Variants in ELAPOR2 observed in about 807,000 individuals in gnomAD.
ELAPOR2 encodes endosome/lysosome-associated apoptosis and autophagy regulator family member 2.
A neutral mutation model predicts 120.7 loss-of-function variants in ELAPOR2; 89 were observed. That is an observed-to-expected ratio of 0.74 (90% CI 0.62 to 0.88). The LOEUF (loss-of-function observed/expected upper bound fraction) is 0.88. Ranked by LOEUF, ELAPOR2 falls within the 40% of genes least tolerant of loss-of-function variation. The probability of loss-of-function intolerance (pLI) is 0.00; values close to 1 mark genes in which losing one functional copy is unlikely to be tolerated. For synonymous variants in ELAPOR2, 444 were observed against 444.9 expected (o/e 1.00, Z 0.03); for missense variants, 1,134 against 1,251.6 (o/e 0.91, Z 1.42).
Position 86,880,150 on chromosome 7 carries a change from T to G in ELAPOR2, c.*321A>C. 3.6e-6 allele frequency: 1 copy of G among 277,216 alleles called. No individual in the cohort carries two copies. Among genetic ancestry groups the G allele is most frequent in the Non-Finnish European group, 6.7e-6 (1 of 149,596 alleles). 17.2% of individuals were successfully genotyped at this position (277,216 alleles called of 1,614,324 possible). ...CATCATAAAGAATAAAAGTTACCCATTAATTATATGGCATGCATCAGCAGT... is the reference window on the plus strand; with the variant it reads ...CATCATAAAGAATAAAAGTTACCCAGTAATTATATGGCATGCATCAGCAGT... On this transcript the variant is annotated 3_prime_UTR_variant, in exon 22 of 22. Transcript: ENST00000450689.
At chr7:86,910,828 T>C (rs1380288305) in intron 15 of ELAPOR2, among the ~76,000 whole-genome samples, 1 of 152,072 alleles carries the variant, frequency 6.6e-6, no homozygotes, top group African/African-American at 2.4e-5. Flanking sequence ...AAGAAAAGTA[T>C]AAAAGTTTAT....
chr7:86,961,478 C>T (rs923249047), intron 2 of ELAPOR2, among the ~76,000 whole-genome samples: 20 of 152,180 alleles, frequency 1.3e-4, no homozygotes, highest in Admixed American at 2.6e-4. Context: ...TGTAAAGGAA[C>T]TCTCTCCCTA....
chr7:86,914,273 G>A (rs966159785), intron 13 of ELAPOR2, among the ~76,000 whole-genome samples: 1 of 152,052 alleles, frequency 6.6e-6, no homozygotes, highest in Admixed American at 6.6e-5. Flanking sequence ...ACTCAATGGT[G>A]GGTACATACA....
At position 86,891,856 on chromosome 7, in the gene ELAPOR2, C is replaced by A. The variant is rs370763886; in HGVS notation, c.2898G>T (p.Thr966=). ...GGAGTTCACACTCTTTTGAGTTAGT[C>A]GTCATTACTAACTTGGAATATTTGT... ...LEYKYSKLVM[T]TNSKECELPA... is the part of the protein sequence containing the mutation. The change falls in exon 21 of 22, where the codon ACG becomes ACT. Residue 966 remains threonine, a synonymous_variant. Transcript: ENST00000450689. 6 of 1,608,002 alleles carry A rather than the reference C, an allele frequency of 3.7e-6. No individual in the cohort carries two copies. The African/African-American group carries it at 5.4e-5, about 14-fold the overall frequency.
chr7:87,040,920 G>C (rs1022329698), intron 1 of ELAPOR2, among the ~76,000 whole-genome samples: 2 of 151,960 alleles, frequency 1.3e-5, no homozygotes, highest in African/African-American at 4.8e-5. Flanking sequence ...GTGCTTAAAG[G>C]AGCTGATGGA....
At chr7:86,895,531 AT>A (rs1788397824) in intron 19 of ELAPOR2, among the ~76,000 whole-genome samples, 1 of 152,124 alleles carries the variant, frequency 6.6e-6, no homozygotes, top group Non-Finnish European at 1.5e-5. Flanking sequence ...AAATTTCAAC[AT>A]GTCAAGCACA....
chr7:86,960,730 T>C (rs553091832), intron 2 of ELAPOR2, among the ~76,000 whole-genome samples: 21 of 152,340 alleles, frequency 1.4e-4, no homozygotes, highest in African/African-American at 3.8e-4. Context: ...TATTCTCTCT[T>C]CATGTTGAGT....
intron 20 of ELAPOR2, 118 bp from the exon 21 acceptor site, chr7:86,892,007 A>G (rs1286781234): frequency 1.1e-5 from 7 of 646,322 alleles, no homozygotes; most frequent in Non-Finnish European, 1.5e-5. Context: ...TAATTGCTCC[A>G]CCAACAAATT....
At chr7:86,905,070 A>AGAAGGAAGAAAG (rs1788912505) in intron 18 of ELAPOR2, among the ~76,000 whole-genome samples, 1 of 98,148 alleles carries the variant, frequency 1.0e-5, no homozygotes, top group African/African-American at 3.9e-5. Context: ...ACAGAGAGAG[A>AGAAGGAAGAAAG]GAAGGAAGGA....
chr7:86,908,616 T>C (rs1789148634), intron 16 of ELAPOR2, 73 bp from the exon 17 acceptor site: 6 of 654,376 alleles, frequency 9.2e-6, no homozygotes, highest in Admixed American at 2.9e-5. Context: ...TAGTTTTGAA[T>C]AGAAAATAGC....
chr7:86,893,295 A>G lies in ELAPOR2; in HGVS notation c.2686-195T>C, dbSNP rs148166258. On this transcript the variant is annotated intron_variant, in intron 19 of 21. Coordinates refer to ENST00000450689, the MANE Select transcript of ELAPOR2 (RefSeq NM_001142749.3). ...AGCTCCAGAAACACAGGAAAAAAAT[A>G]TATGTGAATGAATAAGGAATTAATG... 5.7e-3 allele frequency among the ~76,000 whole-genome samples: 865 copies of G among 152,148 alleles called. 10 individuals are homozygous for G. The highest frequency in any genetic ancestry group is 0.02 in the African/African-American group (839 of 41,544).
chr7:86,934,451 A>G (rs780286232), intron 8 of ELAPOR2, among the ~76,000 whole-genome samples: 3 of 151,996 alleles, frequency 2.0e-5, no homozygotes, highest in Non-Finnish European at 4.4e-5. Flanking sequence ...ATTTAATTCA[A>G]TGTTGCCAAA....
intron 21 of ELAPOR2, among the ~76,000 whole-genome samples, chr7:86,885,726 G>C (rs1024089774): frequency 6.6e-6 from 1 of 152,162 alleles, no homozygotes; most frequent in African/African-American, 2.4e-5. Context: ...ATACAAATAA[G>C]AGGATTTGAG....
intron 1 of ELAPOR2, among the ~76,000 whole-genome samples, chr7:87,014,882 T>C (rs1793819102): frequency 6.6e-6 from 1 of 152,146 alleles, no homozygotes; most frequent in African/African-American, 2.4e-5. Flanking sequence ...TTATTATGAT[T>C]GTTATGATGG....
chr7:86,926,395 C>T (rs537154907), intron 9 of ELAPOR2, among the ~76,000 whole-genome samples: 20 of 152,080 alleles, frequency 1.3e-4, no homozygotes, highest in African/African-American at 4.3e-4. Context: ...ATATTATCCA[C>T]CATCCTACAG....
intron 18 of ELAPOR2, among the ~76,000 whole-genome samples, chr7:86,904,203 T>G (rs1463848716): frequency 1.3e-5 from 2 of 152,176 alleles, no homozygotes; most frequent in East Asian, 3.9e-4. Flanking sequence ...ATGCTTCTCT[T>G]TATCTGCTTT....
chr7:86,986,818 A>T (rs1234489904), intron 1 of ELAPOR2, among the ~76,000 whole-genome samples: 1 of 151,168 alleles, frequency 6.6e-6, no homozygotes, highest in African/African-American at 2.4e-5. Context: ...GCTACCAATG[A>T]CTTTCTTCAC....
Position 87,054,155 on chromosome 7 carries a change from T to C in ELAPOR2, c.189+5170A>G, listed in dbSNP as rs183009840. Among the ~76,000 whole-genome samples the C allele has an allele frequency of 1.6e-3, 248 of 152,276 alleles. 2 individuals carry two copies. Among genetic ancestry groups the C allele is most frequent in the African/African-American group, 5.8e-3 (241 of 41,554 alleles). On this transcript the variant is annotated intron_variant, in intron 1 of 21. Coordinates refer to ENST00000450689, the MANE Select transcript of ELAPOR2 (RefSeq NM_001142749.3). Reference sequence around the variant, plus strand: ...GATGAAAGGCAAAAAGGAAAGAGAATAATCTGTGGTTTCTTCAAGAGAAAA... The same window carrying C: ...GATGAAAGGCAAAAAGGAAAGAGAACAATCTGTGGTTTCTTCAAGAGAAAA...
intron 8 of ELAPOR2, among the ~76,000 whole-genome samples, chr7:86,932,643 T>C (rs1215432360): frequency 6.6e-6 from 1 of 151,976 alleles, no homozygotes. Flanking sequence ...CTTTTGTGGA[T>C]ATGATAAACA....
Sources: gnomAD v4.1 joint callset for allele counts (sites outside exome capture counted in the v4.1 genomes callset) on GRCh38, gnomAD v4.1.1 for gene constraint, MANE v1.5 for transcripts, NCBI Gene and HGNC (gene_info 2026-07-23, HGNC 2026-07-21) for gene names.